The following PPP2R2B variants were observed in gnomAD, a reference collection of about 807,000 sequenced individuals.
PPP2R2B encodes protein phosphatase 2 regulatory subunit Bbeta.
Under a neutral mutation model 46.0 loss-of-function variants are expected in PPP2R2B, and 5 were observed. The observed-to-expected ratio is 0.11, with a 90% CI of 0.06 to 0.23. The LOEUF is 0.23. Ranked by LOEUF, PPP2R2B falls within the 10% of genes least tolerant of loss-of-function variation. PPP2R2B has a pLI of 1.00. For synonymous variants in PPP2R2B, 215 were observed against 206.7 expected, an observed-to-expected ratio of 1.04 and a Z score of -0.34; for missense variants, 367 against 575.0, an observed-to-expected ratio of 0.64 and a Z score of 3.70.
At chr5:147,043,885 A>G (rs1193668677) in intron 1 of PPP2R2B, among the ~76,000 whole-genome samples, 1 of 152,072 alleles carries the variant, frequency 6.6e-6, no homozygotes, top group East Asian at 1.9e-4. Flanking sequence ...AAGCGGGAGA[A>G]CAGAGGTGTG....
intron 2 of PPP2R2B, among the ~76,000 whole-genome samples, chr5:147,074,864 G>C (rs1163516777): frequency 6.6e-6 from 1 of 152,080 alleles, no homozygotes; most frequent in African/African-American, 2.4e-5. Flanking sequence ...CTCTACATGA[G>C]TGATCTTTTC....
intron 2 of PPP2R2B, among the ~76,000 whole-genome samples, chr5:147,071,166 G>A (rs1005545398): frequency 6.6e-6 from 1 of 152,106 alleles, no homozygotes; most frequent in African/African-American, 2.4e-5. Context: ...TGTAGCAGTT[G>A]TCTTGGGACC....
rs191920681 is a variant in PPP2R2B, at chr5:146,962,653, A to T, written c.79+93012T>A. On this transcript the variant is annotated intron_variant, in intron 1 of 8. Transcript: ENST00000336640. The stretch of plus-strand genomic sequence containing the variant: ...GACTGGGCAAAAATAAAAATAATAA[A>T]AAAAAAACAACCTTAAAGCAAAAAG... Among the ~76,000 whole-genome samples the T allele has an allele frequency of 1.8e-4, 27 of 152,066 alleles. No homozygotes were observed. The East Asian group carries it at 2.3e-3, about 13-fold the overall frequency.
intron 2 of PPP2R2B, among the ~76,000 whole-genome samples, chr5:146,701,454 A>T (rs1029973566): frequency 8.5e-5 from 13 of 152,194 alleles, no homozygotes; most frequent in African/African-American, 3.1e-4. Context: ...ATTTTCTTTG[A>T]TGATTTCTAC....
chr5:146,800,425 T>C (rs1017202397), intron 2 of PPP2R2B, among the ~76,000 whole-genome samples: 5 of 152,106 alleles, frequency 3.3e-5, no homozygotes, highest in African/African-American at 9.7e-5. Context: ...ACCCTTCTTC[T>C]TGGAGGGCAC....
chr5:146,849,963 G>A (rs142472590), intron 2 of PPP2R2B, among the ~76,000 whole-genome samples: 1 of 152,236 alleles, frequency 6.6e-6, no homozygotes, highest in Non-Finnish European at 1.5e-5. Context: ...ACACTTCTAG[G>A]AAGGAAAATA....
chr5:146,665,572 G>T (rs77416571), intron 5 of PPP2R2B, among the ~76,000 whole-genome samples: 2 of 152,164 alleles, frequency 1.3e-5, no homozygotes, highest in Admixed American at 6.5e-5. Flanking sequence ...CAGCAAGAAG[G>T]TTATTTTGCA....
intron 7 of PPP2R2B, among the ~76,000 whole-genome samples, chr5:146,635,140 T>C (rs1774723622): frequency 1.3e-5 from 2 of 152,162 alleles, no homozygotes; most frequent in South Asian, 4.1e-4. Context: ...TATGATGCTG[T>C]CCTTAATATT....
chr5:146,657,197 G>A (rs322983), intron 5 of PPP2R2B, among the ~76,000 whole-genome samples: 2,303 of 152,196 alleles, frequency 0.015, 52 homozygotes, highest in African/African-American at 0.053. Context: ...GCAAGGGGAG[G>A]CCATGGGGAG....
At chr5:146,709,066 A>G (rs116757556) in intron 2 of PPP2R2B, among the ~76,000 whole-genome samples, 1,908 of 152,342 alleles carry the variant, frequency 0.013, 44 homozygotes, top group African/African-American at 0.044. Context: ...TGTTTGATCC[A>G]GAATTGTTTC....
At chr5:147,042,841 A>T (rs1169820717) in intron 1 of PPP2R2B, among the ~76,000 whole-genome samples, 1 of 152,066 alleles carries the variant, frequency 6.6e-6, no homozygotes, top group Non-Finnish European at 1.5e-5. Context: ...CAAAAGAAGT[A>T]AGGAAAAGAA....
intron 3 of PPP2R2B, among the ~76,000 whole-genome samples, chr5:146,699,665 T>TG (rs1779420424): frequency 6.6e-6 from 1 of 150,380 alleles, no homozygotes; most frequent in Admixed American, 6.6e-5. Context: ...TAATTGGTTT[T>TG]TTTTTTTTTT....
chr5:146,684,211 C>T (rs377160450), intron 5 of PPP2R2B, among the ~76,000 whole-genome samples: 1 of 152,086 alleles, frequency 6.6e-6, no homozygotes, highest in East Asian at 1.9e-4. Context: ...CAATAAATCA[C>T]AAAATGAAGT....
chr5:146,608,959 C>T (rs547448137), intron 7 of PPP2R2B, among the ~76,000 whole-genome samples: 1 of 152,254 alleles, frequency 6.6e-6, no homozygotes, highest in East Asian at 1.9e-4. Context: ...GATACCAAAA[C>T]CGGACAAAGA....
chr5:146,633,381 A>G (rs545209478), intron 7 of PPP2R2B, among the ~76,000 whole-genome samples: 1 of 152,338 alleles, frequency 6.6e-6, no homozygotes, highest in East Asian at 1.9e-4. Context: ...ACCTCGGCTG[A>G]ACTGCGGTTG....
chr5:146,870,277 T>G (rs1761538846), intron 2 of PPP2R2B, among the ~76,000 whole-genome samples: 1 of 152,098 alleles, frequency 6.6e-6, no homozygotes, highest in African/African-American at 2.4e-5. Context: ...AAGCCCTAAC[T>G]CCTATGTGAC....
intron 1 of PPP2R2B, among the ~76,000 whole-genome samples, chr5:146,933,654 G>A (rs183058710): frequency 5.9e-4 from 90 of 151,770 alleles, no homozygotes; most frequent in African/African-American, 1.9e-3. Context: ...CGTGACAAAC[G>A]GAAGTTCTTT....
At chr5:146,975,709 T>A (rs550115304) in intron 1 of PPP2R2B, among the ~76,000 whole-genome samples, 10 of 152,212 alleles carry the variant, frequency 6.6e-5, no homozygotes, top group Non-Finnish European at 1.5e-4. Context: ...ATACTGTGAT[T>A]TTGATTTGCA....
intron 1 of PPP2R2B, among the ~76,000 whole-genome samples, chr5:147,012,767 C>A (rs1754804605): frequency 6.6e-6 from 1 of 151,676 alleles, no homozygotes; most frequent in Non-Finnish European, 1.5e-5. Flanking sequence ...CCCAGAGATT[C>A]TGGTATGTTG....
Sources: gnomAD v4.1 joint callset for allele counts (sites outside exome capture counted in the v4.1 genomes callset) on GRCh38, gnomAD v4.1.1 for gene constraint, MANE v1.5 for transcripts, NCBI Gene and HGNC (gene_info 2026-07-23, HGNC 2026-07-21) for gene names.